The following TMEM65 variants were observed in gnomAD, a reference collection of about 807,000 sequenced individuals.
TMEM65 encodes the protein transmembrane protein 65.
TMEM65 carries 22 observed loss-of-function variants against 25.4 expected under a neutral mutation model. That is an observed-to-expected ratio of 0.86 (90% CI 0.62 to 1.23). The LOEUF is 1.23. Ranked by LOEUF, TMEM65 falls within the 50% of genes most tolerant of loss-of-function variation. TMEM65 has a pLI of 0.00. For missense variants in TMEM65, 262 were observed against 308.2 expected (o/e 0.85, Z 1.12); for synonymous variants, 132 against 126.2 (o/e 1.05, Z -0.31).
intron 6 of TMEM65, among the ~76,000 whole-genome samples, chr8:124,318,369 G>GT (rs35876350): frequency 6.5e-4 from 42 of 64,952 alleles, no homozygotes; most frequent in Non-Finnish European, 9.1e-4. Context: ...GCATGTTTTT[G>GT]TTTTTTTTTT....
chr8:124,328,999 A>T (rs901298102), intron 2 of TMEM65, among the ~76,000 whole-genome samples: 10 of 152,038 alleles, frequency 6.6e-5, no homozygotes, highest in Non-Finnish European at 1.0e-4. Context: ...GAATACTATT[A>T]TATTCAATAT....
chr8:124,356,426 C>T (rs1814782404), intron 1 of TMEM65, among the ~76,000 whole-genome samples: 1 of 152,186 alleles, frequency 6.6e-6, no homozygotes, highest in South Asian at 2.1e-4. Flanking sequence ...AGTAAATTCA[C>T]ATTTCTGACT....
intron 1 of TMEM65, among the ~76,000 whole-genome samples, chr8:124,333,483 G>GTGTA (rs1169951779): frequency 6.6e-6 from 1 of 151,516 alleles, no homozygotes; most frequent in African/African-American, 2.4e-5. Flanking sequence ...GTGTGTGTGT[G>GTGTA]TGTGTGTGTG....
chr8:124,354,545 G>T (rs897850805), intron 1 of TMEM65, among the ~76,000 whole-genome samples: 1 of 152,032 alleles, frequency 6.6e-6, no homozygotes, highest in Non-Finnish European at 1.5e-5. Context: ...ATGCTGCCTC[G>T]CTCAGGGATC....
chr8:124,355,829 C>T (rs747918688), intron 1 of TMEM65, among the ~76,000 whole-genome samples: 4 of 152,114 alleles, frequency 2.6e-5, no homozygotes, highest in Non-Finnish European at 5.9e-5. Flanking sequence ...CAACTGGACA[C>T]CATAAGAGGG....
chr8:124,347,952 G>A lies in TMEM65; in HGVS notation c.305-17160C>T, dbSNP rs572190611. Among the ~76,000 whole-genome samples, 25 of 148,954 alleles carry A rather than the reference G, an allele frequency of 1.7e-4. 1 individual carries two copies. Among genetic ancestry groups the A allele is most frequent in the Middle Eastern group, 6.8e-3 (2 of 292 alleles). ...GCTGCCCAGGCTGGAATGCAATGGC[G>A]TGATCTCGGCTCACCGCAACCTCTG... On this transcript the variant is annotated intron_variant, in intron 1 of 6. Transcript: ENST00000297632.
chr8:124,352,841 G>T (rs925875073), intron 1 of TMEM65, among the ~76,000 whole-genome samples: 1 of 152,064 alleles, frequency 6.6e-6, no homozygotes, highest in African/African-American at 2.4e-5. Flanking sequence ...TCAGAACCCA[G>T]TTGGGCCGGG....
intron 1 of TMEM65, among the ~76,000 whole-genome samples, chr8:124,337,103 T>G (rs1814518141): frequency 6.6e-6 from 1 of 151,582 alleles, no homozygotes; most frequent in South Asian, 2.1e-4. Context: ...CTAACAAAAT[T>G]TATTTGTTAC....
intron 1 of TMEM65, among the ~76,000 whole-genome samples, chr8:124,334,260 A>C (rs1814474255): frequency 6.6e-6 from 1 of 152,226 alleles, no homozygotes; most frequent in Admixed American, 6.5e-5. Flanking sequence ...ACCCATTTTC[A>C]GAAGACAATA....
intron 1 of TMEM65, among the ~76,000 whole-genome samples, chr8:124,346,341 G>T: frequency 6.6e-6 from 1 of 152,030 alleles, no homozygotes; most frequent in Non-Finnish European, 1.5e-5. Context: ...GACACAGAGT[G>T]AAACTATAGC....
chr8:124,322,170 A>C, intron 4 of TMEM65, 23 bp from the exon 5 acceptor site: 1 of 1,564,202 alleles, frequency 6.4e-7, no homozygotes, highest in Non-Finnish European at 8.8e-7. Context: ...AAAATAAATA[A>C]TTGTTACATA....
intron 1 of TMEM65, among the ~76,000 whole-genome samples, chr8:124,366,786 T>C (rs769342642): frequency 5.3e-5 from 8 of 152,214 alleles, no homozygotes; most frequent in Non-Finnish European, 1.2e-4. Flanking sequence ...AATAAGACCA[T>C]TCCAACATAC....
chr8:124,346,655 T>C (rs951972936), intron 1 of TMEM65, among the ~76,000 whole-genome samples: 35 of 152,218 alleles, frequency 2.3e-4, no homozygotes, highest in Non-Finnish European at 4.6e-4. Context: ...CTCAGTATTC[T>C]TTAAGTGTCT....
chr8:124,329,100 C>G (rs1814401810), intron 2 of TMEM65, among the ~76,000 whole-genome samples: 1 of 127,094 alleles, frequency 7.9e-6, no homozygotes, highest in Admixed American at 8.3e-5. Context: ...TAAAAATGTC[C>G]AAGATCAAGG....
At chr8:124,371,279 T>C (rs906433853) in intron 1 of TMEM65, among the ~76,000 whole-genome samples, 2 of 152,256 alleles carry the variant, frequency 1.3e-5, no homozygotes, top group African/African-American at 4.8e-5. Flanking sequence ...TTCCTTTGGC[T>C]GCTGAAATTA....
intron 1 of TMEM65, among the ~76,000 whole-genome samples, chr8:124,356,981 T>A (rs1312263503): frequency 6.6e-6 from 1 of 152,132 alleles, no homozygotes; most frequent in East Asian, 1.9e-4. Flanking sequence ...GTGATGGGAT[T>A]ACAGGTGTGA....
At chr8:124,341,535 T>C (rs1814583345) in intron 1 of TMEM65, among the ~76,000 whole-genome samples, 1 of 152,068 alleles carries the variant, frequency 6.6e-6, no homozygotes, top group African/African-American at 2.4e-5. Context: ...AGGTAATTGA[T>C]CTAGGAAACA....
intron 5 of TMEM65, among the ~76,000 whole-genome samples, chr8:124,321,679 G>C (rs1311484287): frequency 6.6e-6 from 1 of 152,060 alleles, no homozygotes; most frequent in African/African-American, 2.4e-5. Flanking sequence ...GGGTTTTCTG[G>C]GAGTAGGGTG....
intron 1 of TMEM65, among the ~76,000 whole-genome samples, chr8:124,367,773 GA>G (rs1194341475): frequency 2.0e-5 from 3 of 152,090 alleles, no homozygotes; most frequent in Non-Finnish European, 4.4e-5. Flanking sequence ...TTAAAGTTTA[GA>G]ATTATTTGGT....
Sources: gnomAD v4.1 joint callset for allele counts (sites outside exome capture counted in the v4.1 genomes callset) on GRCh38, gnomAD v4.1.1 for gene constraint, MANE v1.5 for transcripts, NCBI Gene and HGNC (gene_info 2026-07-23, HGNC 2026-07-21) for gene names.